Variants in FANCL observed in about 807,000 individuals in gnomAD.
FANCL encodes the protein E3 ubiquitin-protein ligase FANCL.
Under a neutral mutation model 59.4 loss-of-function variants are expected in FANCL, and 69 were observed. The ratio of observed to expected loss-of-function variants is 1.16; its 90% CI spans 0.96 to 1.42. The LOEUF is 1.42. Among genes scored for constraint, FANCL ranks in the 40% most tolerant of loss-of-function variants. FANCL has a pLI of 0.00. For synonymous variants in FANCL, 180 were observed against 147.1 expected (o/e 1.22, Z -1.62); for missense variants, 519 against 447.2 (o/e 1.16, Z -1.45).
intron 7 of FANCL, among the ~76,000 whole-genome samples, chr2:58,188,821 C>G (rs1324215461): frequency 6.6e-6 from 1 of 151,482 alleles, no homozygotes; most frequent in Non-Finnish European, 1.5e-5. Flanking sequence ...CATTGAATCT[C>G]TAGATCAATT....
At chr2:58,165,257 C>T (rs1014924483) in intron 8 of FANCL, among the ~76,000 whole-genome samples, 1 of 152,106 alleles carries the variant, frequency 6.6e-6, no homozygotes, top group Non-Finnish European at 1.5e-5. Context: ...TAAATTCTTT[C>T]TCTGTGCTTT....
intron 7 of FANCL, among the ~76,000 whole-genome samples, chr2:58,172,883 CT>C (rs537250768): frequency 1.4e-3 from 207 of 152,248 alleles, no homozygotes; most frequent in Non-Finnish European, 2.4e-3. Context: ...AAGCTGAAAA[CT>C]TTGAAAAAAA....
At chr2:58,172,435 G>T (rs200244869) in intron 7 of FANCL, among the ~76,000 whole-genome samples, 1 of 152,130 alleles carries the variant, frequency 6.6e-6, no homozygotes, top group African/African-American at 2.4e-5. Context: ...AGCAGCATTC[G>T]TGGTTCAAGA....
At chr2:58,241,357 G>C (rs780348127), upstream of FANCL, 50 of 1,588,602 alleles carry the variant, frequency 3.1e-5, no homozygotes, top group Non-Finnish European at 4.1e-5. Flanking sequence ...AGACCTGCTG[G>C]GTCCTGCACA....
At chr2:58,163,306 A>T (rs1685485567) in intron 9 of FANCL, 128 bp downstream of exon 9, 3 of 783,312 alleles carry the variant, frequency 3.8e-6, no homozygotes, top group Non-Finnish European at 6.5e-6. Context: ...GGGCAACAAG[A>T]GCAAAACTCC....
At chr2:58,205,923 C>T (rs1294663168) in intron 5 of FANCL, among the ~76,000 whole-genome samples, 3 of 152,058 alleles carry the variant, frequency 2.0e-5, no homozygotes, top group African/African-American at 7.2e-5. Flanking sequence ...ACTAACTTTT[C>T]AGTTAAAAAT....
intron 6 of FANCL, among the ~76,000 whole-genome samples, chr2:58,199,306 G>A (rs1240282967): frequency 6.6e-6 from 1 of 152,006 alleles, no homozygotes; most frequent in Non-Finnish European, 1.5e-5. Flanking sequence ...TAAAATAAGA[G>A]ATCAAATGAG....
At chr2:58,233,040 C>G (rs1013687786) in intron 1 of FANCL, among the ~76,000 whole-genome samples, 5 of 152,002 alleles carry the variant, frequency 3.3e-5, no homozygotes, top group Admixed American at 1.3e-4. Context: ...TATTACAGTT[C>G]TGACTTTCAT....
chr2:58,187,662 T>C (rs930329603), intron 7 of FANCL, among the ~76,000 whole-genome samples: 1 of 152,184 alleles, frequency 6.6e-6, no homozygotes, highest in Admixed American at 6.6e-5. Context: ...ATAAGTTCAA[T>C]TCCCTAAGAG....
intron 8 of FANCL, among the ~76,000 whole-genome samples, chr2:58,165,431 A>C (rs1047468097): frequency 2.0e-5 from 3 of 152,088 alleles, no homozygotes; most frequent in African/African-American, 7.2e-5. Context: ...AAGTAATGTA[A>C]ATTTTGAGTT....
intron 7 of FANCL, among the ~76,000 whole-genome samples, chr2:58,183,985 CAACTTCTAAGGT>C (rs1265346124): frequency 6.6e-6 from 1 of 151,914 alleles, no homozygotes; most frequent in Non-Finnish European, 1.5e-5. Flanking sequence ...GTACAAGAGA[CAACTTCTAAGGT>C]AACTTCTAAG....
intron 2 of FANCL, among the ~76,000 whole-genome samples, chr2:58,230,861 A>T (rs1693518531): frequency 6.6e-6 from 1 of 152,134 alleles, no homozygotes; most frequent in Non-Finnish European, 1.5e-5. Flanking sequence ...TAATGAATTA[A>T]CTTGCTCAAA....
intron 5 of FANCL, among the ~76,000 whole-genome samples, chr2:58,214,723 G>T (rs1437078448): frequency 6.6e-6 from 1 of 151,848 alleles, no homozygotes; most frequent in Non-Finnish European, 1.5e-5. Context: ...TGTTGCCCAG[G>T]TTGGTCTCAA....
chr2:58,180,825 C>T (rs778558061), intron 7 of FANCL, among the ~76,000 whole-genome samples: 8 of 151,720 alleles, frequency 5.3e-5, no homozygotes, highest in Non-Finnish European at 1.0e-4. Context: ...TGTGTGTGCC[C>T]ATTTGTAATG....
At chr2:58,237,047 GA>G (rs1265384052) in intron 1 of FANCL, among the ~76,000 whole-genome samples, 1 of 152,140 alleles carries the variant, frequency 6.6e-6, no homozygotes, top group East Asian at 1.9e-4. Context: ...CTAACTGATA[GA>G]AAAAGCAGAC....
intron 4 of FANCL, among the ~76,000 whole-genome samples, chr2:58,223,029 C>T (rs1045825506): frequency 4.0e-5 from 6 of 150,374 alleles, no homozygotes; most frequent in Admixed American, 6.6e-5. Flanking sequence ...CAGGATAGGA[C>T]ACTATCAAAT....
At chr2:58,213,184 T>C (rs949000396) in intron 5 of FANCL, among the ~76,000 whole-genome samples, 9 of 151,852 alleles carry the variant, frequency 5.9e-5, no homozygotes, top group African/African-American at 1.9e-4. Flanking sequence ...ATTCTGTAAA[T>C]ACATTTAAAT....
chr2:58,209,614 C>G (rs1690930912), intron 5 of FANCL, among the ~76,000 whole-genome samples: 2 of 152,152 alleles, frequency 1.3e-5, no homozygotes, highest in South Asian at 4.1e-4. Flanking sequence ...AGTATCTCAA[C>G]AACTTGATAC....
chr2:58,178,626 T>C (rs538195743), intron 7 of FANCL, among the ~76,000 whole-genome samples: 56 of 152,258 alleles, frequency 3.7e-4, no homozygotes, highest in Admixed American at 3.3e-3. Context: ...GTCAATATCA[T>C]ACTGAATGGG....
Sources: allele counts gnomAD v4.1 joint callset (sites outside exome capture counted in the v4.1 genomes callset), GRCh38; gene constraint gnomAD v4.1.1; transcripts MANE v1.5; gene names NCBI Gene and HGNC (gene_info 2026-07-23, HGNC 2026-07-21).